The following TMEM117 variants were observed in gnomAD, a reference collection of about 807,000 sequenced individuals.
TMEM117 encodes the protein transmembrane protein 117.
Under a neutral mutation model 52.4 loss-of-function variants are expected in TMEM117, and 27 were observed. The observed-to-expected ratio is 0.51, with a 90% CI of 0.38 to 0.71. The LOEUF (loss-of-function observed/expected upper bound fraction) is 0.71. TMEM117 is among the 30% of genes least tolerant of loss of function. The pLI, the probability that TMEM117 is intolerant of heterozygous loss-of-function variation, is 0.00. For synonymous variants in TMEM117, 215 were observed against 206.3 expected (o/e 1.04, Z -0.36); for missense variants, 556 against 630.5 (o/e 0.88, Z 1.26).
chr12:43,807,315 G>C, the TMEM117 span, among the ~76,000 whole-genome samples: 1 of 152,178 alleles, frequency 6.6e-6, no homozygotes, highest in African/African-American at 2.4e-5. Context: ...CATGAGTGAT[G>C]AACAGGCCTG....
intron 5 of TMEM117, among the ~76,000 whole-genome samples, chr12:44,275,169 T>C (rs1455937361): frequency 6.6e-6 from 1 of 152,122 alleles, no homozygotes; most frequent in Non-Finnish European, 1.5e-5. Flanking sequence ...AAAGAAGACA[T>C]GCAAATGGCA....
chr12:44,257,465 C>T (rs1950272861), intron 5 of TMEM117, among the ~76,000 whole-genome samples: 1 of 152,120 alleles, frequency 6.6e-6, no homozygotes, highest in African/African-American at 2.4e-5. Context: ...AAGGACCTTG[C>T]CTGTCATATC....
intron 4 of TMEM117, among the ~76,000 whole-genome samples, chr12:44,209,423 A>C (rs1343826120): frequency 6.6e-6 from 1 of 152,094 alleles, no homozygotes; most frequent in Non-Finnish European, 1.5e-5. Flanking sequence ...ATCAAGAAGA[A>C]AATAAACAGT....
intron 6 of TMEM117, among the ~76,000 whole-genome samples, chr12:44,363,586 T>C (rs1235214166): frequency 6.6e-6 from 1 of 152,190 alleles, no homozygotes; most frequent in Non-Finnish European, 1.5e-5. Context: ...ATAATTATTC[T>C]TTCTCATTGT....
At chr12:44,379,555 ACTCT>A (rs922229665) in intron 7 of TMEM117, among the ~76,000 whole-genome samples, 1 of 151,792 alleles carries the variant, frequency 6.6e-6, no homozygotes, top group African/African-American at 2.4e-5. Context: ...TGTTTCTTTT[ACTCT>A]CTCTGTTTTG....
At chr12:44,042,085 C>T (rs1369651563) in intron 3 of TMEM117, among the ~76,000 whole-genome samples, 1 of 152,172 alleles carries the variant, frequency 6.6e-6, no homozygotes, top group Non-Finnish European at 1.5e-5. Context: ...GATTCTATAC[C>T]TAGAAAACCC....
In TMEM117 at chr12:44,054,863, G is replaced by T. The variant is rs572879613; in HGVS notation, c.411-88662G>T. Among the ~76,000 whole-genome samples, 40 of 151,754 alleles carry T rather than the reference G, an allele frequency of 2.6e-4. 1 individual carries two copies. Among genetic ancestry groups the T allele is most frequent in the African/African-American group, 9.7e-4 (40 of 41,368 alleles). ...CCCATTAACTCATCATTTACATTAG[G>T]TATGTCTCCTAATGCTATCCCTCCC... On this transcript the variant is annotated intron_variant, in intron 3 of 7. Transcript: ENST00000266534.
intron 4 of TMEM117, among the ~76,000 whole-genome samples, chr12:44,163,034 T>C (rs1377444891): frequency 6.6e-6 from 1 of 152,198 alleles, no homozygotes; most frequent in Non-Finnish European, 1.5e-5. Flanking sequence ...CTCACTTAAG[T>C]GTCTGTTGAA....
At chr12:43,865,730 A>G (rs117005700) in intron 2 of TMEM117, among the ~76,000 whole-genome samples, 2,078 of 151,888 alleles carry the variant, frequency 0.014, 24 homozygotes, top group Non-Finnish European at 0.021. Context: ...AAAAACTAAT[A>G]TAGACTCATA....
chr12:44,220,056 C>A (rs568321343), intron 5 of TMEM117, among the ~76,000 whole-genome samples: 1 of 152,066 alleles, frequency 6.6e-6, no homozygotes, highest in Non-Finnish European at 1.5e-5. Context: ...TTTTCACTAT[C>A]TTTGGAAAGA....
chr12:43,947,832 G>A (rs1299102947), intron 3 of TMEM117, among the ~76,000 whole-genome samples: 5 of 152,178 alleles, frequency 3.3e-5, no homozygotes, highest in Non-Finnish European at 7.3e-5. Context: ...CAAACTGGAG[G>A]AGTTCAGGAC....
intron 4 of TMEM117, among the ~76,000 whole-genome samples, chr12:44,173,911 T>C (rs982997690): frequency 2.0e-5 from 3 of 152,132 alleles, no homozygotes; most frequent in Admixed American, 6.5e-5. Context: ...ATTATTAAAA[T>C]GATGAATTAT....
In TMEM117 at chr12:44,389,697, T is replaced by C. The variant is rs528267535; in HGVS notation, c.*1025T>C. 2 of 152,502 alleles carry C rather than the reference T, an allele frequency of 1.3e-5. No homozygotes were observed. The highest frequency in any genetic ancestry group is 2.9e-5 in the Non-Finnish European group (2 of 67,996). 9.4% of individuals were successfully genotyped at this position (152,502 alleles called of 1,614,324 possible). On this transcript the variant is annotated 3_prime_UTR_variant, in exon 8 of 8. Coordinates refer to ENST00000266534, the MANE Select transcript of TMEM117 (RefSeq NM_032256.3). The stretch of plus-strand genomic sequence containing the variant: ...TTTAATGTCTTGTTTTGCGTATGTG[T>C]TTTTTGTTTTTGTTTTTTAAGAACT...
intron 6 of TMEM117, among the ~76,000 whole-genome samples, chr12:44,319,378 A>G (rs1195013940): frequency 1.3e-5 from 2 of 152,166 alleles, no homozygotes; most frequent in African/African-American, 4.8e-5. Context: ...CCTGGGTTGC[A>G]TGGATCCCCA....
At position 44,038,760 on chromosome 12, in the gene TMEM117, C is replaced by T. The variant is rs552599213; in HGVS notation, c.410+94418C>T. Among the ~76,000 whole-genome samples the T allele has an allele frequency of 2.4e-4, 37 of 152,296 alleles. 2 individuals are homozygous for T. The highest frequency in any genetic ancestry group is 8.9e-4 in the African/African-American group (37 of 41,572). The stretch of plus-strand genomic sequence containing the variant: ...GTGGCCATTTTCTTTTCTACTGAAT[C>T]CTTTTTTTCTTATTAACACTTTAGG... On this transcript the variant is annotated intron_variant, in intron 3 of 7. Transcript: ENST00000266534.
intron 2 of TMEM117, among the ~76,000 whole-genome samples, chr12:43,907,748 G>A (rs1027479469): frequency 1.3e-5 from 2 of 151,714 alleles, no homozygotes; most frequent in African/African-American, 4.8e-5. Context: ...GAGTATCAGT[G>A]ATGGAAGATG....
At chr12:43,918,685 C>A (rs1024479017) in intron 2 of TMEM117, among the ~76,000 whole-genome samples, 1 of 152,160 alleles carries the variant, frequency 6.6e-6, no homozygotes, top group African/African-American at 2.4e-5. Flanking sequence ...GTCTTGTTAG[C>A]CCTTAGCTCT....
intron 3 of TMEM117, among the ~76,000 whole-genome samples, chr12:43,976,391 G>A (rs533523721): frequency 2.7e-5 from 4 of 150,670 alleles, no homozygotes; most frequent in Non-Finnish European, 4.4e-5. Context: ...GGGCCCAAGA[G>A]AGTTAGCAGC....
chr12:44,206,117 TA>T (rs1373278573), intron 4 of TMEM117, among the ~76,000 whole-genome samples: 17 of 152,348 alleles, frequency 1.1e-4, no homozygotes, highest in Non-Finnish European at 1.8e-4. Context: ...TTTATTTTAT[TA>T]TTTTTTTATT....
Sources: allele counts gnomAD v4.1 joint callset (sites outside exome capture counted in the v4.1 genomes callset), GRCh38; gene constraint gnomAD v4.1.1; transcripts MANE v1.5; gene names NCBI Gene and HGNC (gene_info 2026-07-23, HGNC 2026-07-21).